The following PDS5A variants were observed in gnomAD, a reference collection of about 807,000 sequenced individuals.
The protein encoded by PDS5A is sister chromatid cohesion protein PDS5 homolog A.
PDS5A carries 42 observed loss-of-function variants against 167.1 expected under a neutral mutation model. That is an observed-to-expected ratio of 0.25 (90% CI 0.20 to 0.33). The LOEUF is 0.33. Among genes scored for constraint, PDS5A ranks in the 10% least tolerant of loss-of-function variants. The pLI is 1.00. For missense variants in PDS5A, 1,033 were observed against 1,605.9 expected (o/e 0.64, Z 6.10); for synonymous variants, 553 against 554.6 (o/e 1.00, Z 0.04).
At chr4:39,852,238 T>C (rs1718179830) in intron 26 of PDS5A, among the ~76,000 whole-genome samples, 1 of 152,190 alleles carries the variant, frequency 6.6e-6, no homozygotes, top group Non-Finnish European at 1.5e-5. Context: ...AAACAATACA[T>C]ATATGTATTA....
At chr4:39,917,866 C>T (rs900615164) in intron 7 of PDS5A, among the ~76,000 whole-genome samples, 3 of 151,800 alleles carry the variant, frequency 2.0e-5, no homozygotes, top group African/African-American at 4.8e-5. Context: ...TGACCCATTG[C>T]GCCTGGCCTC....
chr4:39,920,470 G>A (rs1724854509), intron 6 of PDS5A, 71 bp from the exon 7 acceptor site: 2 of 679,360 alleles, frequency 2.9e-6, no homozygotes. Flanking sequence ...TTAGAATACT[G>A]TAGTCTTCAA....
chr4:39,904,674 T>A (rs1723173695), intron 11 of PDS5A, among the ~76,000 whole-genome samples: 1 of 152,214 alleles, frequency 6.6e-6, no homozygotes, highest in Admixed American at 6.5e-5. Flanking sequence ...AATTTTCCAA[T>A]GCAAATATTG....
intron 23 of PDS5A, among the ~76,000 whole-genome samples, chr4:39,864,647 A>G (rs571327443): frequency 6.6e-6 from 1 of 152,318 alleles, no homozygotes; most frequent in East Asian, 1.9e-4. Context: ...GGACAACAGG[A>G]TTGTTAAAAT....
intron 2 of PDS5A, among the ~76,000 whole-genome samples, chr4:39,944,714 A>T (rs1313669908): frequency 6.6e-6 from 1 of 150,536 alleles, no homozygotes; most frequent in Non-Finnish European, 1.5e-5. Flanking sequence ...AAAAAAAACA[A>T]AAAGCTGAGA....
At chr4:39,866,195 A>G (rs1039902031) in intron 23 of PDS5A, among the ~76,000 whole-genome samples, 4 of 151,952 alleles carry the variant, frequency 2.6e-5, no homozygotes, top group Admixed American at 2.6e-4. Context: ...GCTCACTGCA[A>G]CCTCTGCCTT....
Position 39,888,666 on chromosome 4 carries a change from TTAAA to T in PDS5A, c.1886+1579_1886+1582del, listed in dbSNP as rs544010447. ...ATGTATGCAAATGGAGCTCATTATG[TTAAA>T]TAAAACAAGCCAAGAACAACAAAAA... On this transcript the variant is annotated intron_variant, in intron 17 of 32. Transcript: ENST00000303538. Among the ~76,000 whole-genome samples, 219 of 148,148 alleles carry T rather than the reference TTAAA, an allele frequency of 1.5e-3. 1 individual carries two copies. Among genetic ancestry groups the T allele is most frequent in the African/African-American group, 4.8e-3 (194 of 40,042 alleles).
At chr4:39,917,236 A>G in intron 7 of PDS5A, 48 bp from the exon 8 acceptor site, 1 of 1,225,364 alleles carries the variant, frequency 8.2e-7, no homozygotes, top group Non-Finnish European at 1.1e-6. Flanking sequence ...TTCATTTAAA[A>G]ACATGGATAC....
chr4:39,925,977 AAT>A (rs1392509639), intron 4 of PDS5A, 44 bp from the exon 5 acceptor site: 18 of 580,988 alleles, frequency 3.1e-5, no homozygotes, highest in Non-Finnish European at 4.6e-5. Context: ...ATATATACAG[AAT>A]AGTTATATAA....
intron 32 of PDS5A, among the ~76,000 whole-genome samples, chr4:39,831,874 TCAAAAAAAAAAAAAAAAAA>T (rs1715913541): frequency 6.4e-5 from 1 of 15,688 alleles, no homozygotes; most frequent in Non-Finnish European, 1.3e-4. Context: ...GAAACTCGTC[TCAAAAAAAAAAAAAAAAAA>T]AAAAAAAAAA....
chr4:39,857,109 T>C (rs1301993072), intron 26 of PDS5A, among the ~76,000 whole-genome samples: 5 of 151,998 alleles, frequency 3.3e-5, no homozygotes, highest in Non-Finnish European at 7.4e-5. Context: ...TCTCAGCACT[T>C]TGGGAAGCCA....
intron 18 of PDS5A, among the ~76,000 whole-genome samples, chr4:39,877,875 G>GTTT (rs1560447913): frequency 6.6e-6 from 1 of 152,036 alleles, no homozygotes; most frequent in African/African-American, 2.4e-5. Flanking sequence ...GATTACAGGC[G>GTTT]TAAACCATTG....
At chr4:39,975,823 C>G (rs1300024942) in intron 2 of PDS5A, among the ~76,000 whole-genome samples, 1 of 152,120 alleles carries the variant, frequency 6.6e-6, no homozygotes, top group Non-Finnish European at 1.5e-5. Flanking sequence ...ACCAAAAAAA[C>G]TAACAAACAT....
At chr4:39,864,696 A>T (rs1719278608) in intron 23 of PDS5A, among the ~76,000 whole-genome samples, 1 of 152,204 alleles carries the variant, frequency 6.6e-6, no homozygotes, top group East Asian at 1.9e-4. Context: ...AATGGTTTCT[A>T]TGGCATTCAT....
intron 2 of PDS5A, among the ~76,000 whole-genome samples, chr4:39,955,361 G>C (rs1264763628): frequency 6.6e-6 from 1 of 152,096 alleles, no homozygotes; most frequent in African/African-American, 2.4e-5. Flanking sequence ...CAGCACTTTG[G>C]GAGGCTGAGG....
rs1254274332 is a variant in PDS5A, at chr4:39,977,467, T to G, written c.-51A>C. ...CGCCGCCGCCTTTACCTCCTCCTCATGCGGGCGGAAGGTGCATCGAGCGCC... is the reference window on the plus strand; with the variant it reads ...CGCCGCCGCCTTTACCTCCTCCTCAGGCGGGCGGAAGGTGCATCGAGCGCC... On this transcript the variant is annotated 5_prime_UTR_variant, in exon 1 of 33. It removes an upstream start codon present in the reference 5' UTR. Transcript: ENST00000303538. This position sits in a 1 kb window ranked among gnomAD's most constrained non-coding sequence, Gnocchi z 4.2. The G allele has an allele frequency of 2.0e-5, 3 of 153,310 alleles. No individual in the cohort carries two copies. In the East Asian group the frequency reaches 5.9e-4, roughly 30 times the overall value. 9.5% of individuals were successfully genotyped at this position (153,310 alleles called of 1,614,324 possible).
At chr4:39,846,495 T>A (rs773234809) in intron 28 of PDS5A, 1 of 152,188 alleles carries the variant, frequency 6.6e-6, no homozygotes, top group African/African-American at 2.4e-5. Context: ...TGAAACTCCA[T>A]CTCAAAAAAC....
rs916420100 is a variant in PDS5A at position 39,977,192 on chromosome 4, C to G, written c.-41+265G>C. Reference sequence around the variant, plus strand: ...CCCTCACCCCCGCGGGAGGGGAAAACAAGCCGCCCTCCACCCTCAGCCCCA... The same window carrying G: ...CCCTCACCCCCGCGGGAGGGGAAAAGAAGCCGCCCTCCACCCTCAGCCCCA... On this transcript the variant is annotated intron_variant, in intron 1 of 32. Transcript: ENST00000303538. This position sits in a 1 kb window ranked among gnomAD's most constrained non-coding sequence, Gnocchi z 4.2. 6.6e-6 allele frequency among the ~76,000 whole-genome samples: 1 copy of G among 152,046 alleles called. No individual in the cohort carries two copies. The highest frequency in any genetic ancestry group is 2.4e-5 in the African/African-American group (1 of 41,430).
chr4:39,920,284 CA>C, intron 7 of PDS5A, 34 bp downstream of exon 7: 1 of 912,654 alleles, frequency 1.1e-6, no homozygotes, highest in Non-Finnish European at 1.7e-6. Flanking sequence ...TTAAGAATTA[CA>C]AAATATAGAA....
Sources: allele counts gnomAD v4.1 joint callset (sites outside exome capture counted in the v4.1 genomes callset), GRCh38; gene constraint gnomAD v4.1.1; non-coding constraint Gnocchi (gnomAD v3.1); transcripts MANE v1.5; gene names NCBI Gene and HGNC (gene_info 2026-07-23, HGNC 2026-07-21).